Variants in DNAAF9 observed in about 807,000 individuals in gnomAD.
DNAAF9 encodes shulin.
DNAAF9 carries 90 observed loss-of-function variants against 167.0 expected under a neutral mutation model. That is an observed-to-expected ratio of 0.54 (90% CI 0.45 to 0.64). The LOEUF (loss-of-function observed/expected upper bound fraction) is 0.64, where lower values mean the gene tolerates loss of function less well. DNAAF9 is among the 30% of genes least tolerant of loss of function. DNAAF9 has a pLI of 0.00. For missense variants in DNAAF9, 1,315 were observed against 1,442.2 expected, an observed-to-expected ratio of 0.91 and a Z score of 1.43; for synonymous variants, 491 against 508.8, an observed-to-expected ratio of 0.96 and a Z score of 0.47.
chr20:3,336,566 T>A (rs577184580), intron 10 of DNAAF9, among the ~76,000 whole-genome samples: 1 of 152,288 alleles, frequency 6.6e-6, no homozygotes, highest in African/African-American at 2.4e-5. Context: ...TATTTATTTT[T>A]GAGATGGAGT....
chr20:3,322,820 C>T, intron 14 of DNAAF9, 124 bp from the exon 15 acceptor site: 2 of 771,592 alleles, frequency 2.6e-6, no homozygotes, highest in Non-Finnish European at 4.7e-6. Flanking sequence ...TTGCTTTACA[C>T]AGATTTACCC....
In DNAAF9 at chr20:3,249,389, T is replaced by C. The variant is rs756237348; in HGVS notation, c.*3183A>G. 3.3e-5 allele frequency: 5 copies of C among 152,238 alleles called. No homozygotes were observed. Among genetic ancestry groups the C allele is most frequent in the Non-Finnish European group, 5.9e-5 (4 of 68,048 alleles). The allele number at this position is 152,238 out of a possible 1,614,324, so 9.4% of individuals were successfully genotyped here. On this transcript the variant is annotated 3_prime_UTR_variant, in exon 37 of 37. Transcript: ENST00000252032. ...ACATACACAACTGCAGGTAAAAACA[T>C]GTAAAATAATATAAAAATAAATTGA... is the stretch of plus-strand genomic sequence containing the variant.
intron 29 of DNAAF9, 40 bp downstream of exon 29, chr20:3,278,872 T>A (rs1397670816): frequency 1.4e-6 from 2 of 1,415,048 alleles, no homozygotes. Context: ...TCTACTGAAC[T>A]TGCAAGGCAT....
chr20:3,344,341 T>TAGGG (rs2070148816), intron 8 of DNAAF9, among the ~76,000 whole-genome samples: 2 of 152,172 alleles, frequency 1.3e-5, no homozygotes, highest in Non-Finnish European at 2.9e-5. Flanking sequence ...ATTCAAATGG[T>TAGGG]AATTTTAATC....
At chr20:3,351,673 G>C (rs2070327671) in intron 7 of DNAAF9, among the ~76,000 whole-genome samples, 1 of 152,086 alleles carries the variant, frequency 6.6e-6, no homozygotes, top group African/African-American at 2.4e-5. Context: ...ACATTTGGAT[G>C]ATAAAATTGC....
intron 6 of DNAAF9, among the ~76,000 whole-genome samples, chr20:3,363,764 C>A (rs1436720514): frequency 6.6e-6 from 1 of 152,026 alleles, no homozygotes; most frequent in Non-Finnish European, 1.5e-5. Flanking sequence ...ACTTTGGATT[C>A]TTTATTTTCT....
intron 29 of DNAAF9, among the ~76,000 whole-genome samples, chr20:3,272,832 T>C (rs1486330132): frequency 6.6e-6 from 1 of 152,160 alleles, no homozygotes; most frequent in Non-Finnish European, 1.5e-5. Context: ...TTATTATTAT[T>C]ATTTCTTGAG....
At chr20:3,288,524 G>C (rs1274136772) in intron 26 of DNAAF9, among the ~76,000 whole-genome samples, 1 of 152,148 alleles carries the variant, frequency 6.6e-6, no homozygotes, top group East Asian at 1.9e-4. Context: ...ACGAGGAACT[G>C]GTTAGACATT....
intron 7 of DNAAF9, among the ~76,000 whole-genome samples, chr20:3,359,248 G>C (rs1191128044): frequency 1.3e-5 from 2 of 152,170 alleles, no homozygotes; most frequent in Non-Finnish European, 2.9e-5. Context: ...AATGCCTTTA[G>C]ATAAAAACCT....
intron 6 of DNAAF9, among the ~76,000 whole-genome samples, chr20:3,373,342 CAGGTCATTTCAGTGGGGATCCCATGG>C (rs1217742199): frequency 5.3e-5 from 8 of 152,142 alleles, no homozygotes; most frequent in Non-Finnish European, 1.2e-4. Flanking sequence ...CTGTACTGGG[CAGGTCATTTCAGTGGGGATCCCATGG>C]AGGCACATGG....
chr20:3,315,624 T>G lies in DNAAF9; in HGVS notation c.1590+111A>C. ...ATGCAAATAGGAAGTGAAGACAACA[T>G]AGTGCAAGTCTTTTAGATTAGTAGT... On this transcript the variant is annotated intron_variant, in intron 19 of 36. Transcript: ENST00000252032. This position sits in a 1 kb window ranked among gnomAD's most constrained non-coding sequence, Gnocchi z 4.1. 1 of 850,620 alleles carries G rather than the reference T, an allele frequency of 1.2e-6. No homozygotes were observed. Among genetic ancestry groups the G allele is most frequent in the Non-Finnish European group, 2.0e-6 (1 of 496,484 alleles). The allele number at this position is 850,620 out of a possible 1,614,324, so 52.7% of individuals were successfully genotyped here. A position where few individuals can be genotyped will look rare whatever the true frequency, so the allele number is the denominator to read the frequency against.
At chr20:3,269,678 G>A (rs990988221) in intron 30 of DNAAF9, among the ~76,000 whole-genome samples, 2 of 152,170 alleles carry the variant, frequency 1.3e-5, no homozygotes, top group African/African-American at 4.8e-5. Flanking sequence ...ACTTCGGCCA[G>A]GCGTGGTGCC....
intron 6 of DNAAF9, among the ~76,000 whole-genome samples, chr20:3,366,420 TA>T (rs1447409830): frequency 6.6e-6 from 1 of 152,202 alleles, no homozygotes; most frequent in Non-Finnish European, 1.5e-5. Flanking sequence ...AAATATTCAG[TA>T]AGCCATGCTG....
chr20:3,252,769 G>C (rs1027382798), intron 36 of DNAAF9, 85 bp from the exon 37 acceptor site: 2 of 808,514 alleles, frequency 2.5e-6, no homozygotes, highest in South Asian at 1.4e-5. Flanking sequence ...GGCAGGTGAG[G>C]GGGGTTTGCT....
rs1248580918 is a variant in DNAAF9, at chr20:3,326,121, AAAG to A, written c.1188+73_1188+75del. On this transcript the variant is annotated intron_variant, in intron 13 of 36. Coordinates refer to ENST00000252032, the MANE Select transcript of DNAAF9 (RefSeq NM_001009984.3). ...CAAAAGTGAGTACTACAAGATGTCC[AAAG>A]AAGAAACACATGGATAGAATGTTTT... 4.4e-6 allele frequency: 5 copies of A among 1,141,200 alleles called. No individual in the cohort carries two copies. The African/African-American group carries it at 6.2e-5, about 14-fold the overall frequency. The allele number at this position is 1,141,200 out of a possible 1,614,324, so 70.7% of individuals were successfully genotyped here.
chr20:3,321,614 G>C (rs2069617228), intron 16 of DNAAF9, among the ~76,000 whole-genome samples: 1 of 152,180 alleles, frequency 6.6e-6, no homozygotes, highest in South Asian at 2.1e-4. Flanking sequence ...TGTCATCCAG[G>C]CTGGAGTGCA....
Position 3,407,578 on chromosome 20 carries a change from G to T in DNAAF9, c.-21C>A. 8.1e-7 allele frequency: 1 copy of T among 1,231,066 alleles called. No homozygotes were observed. Among genetic ancestry groups the T allele is most frequent in the Non-Finnish European group, 1.0e-6 (1 of 987,288 alleles). The allele number at this position is 1,231,066 out of a possible 1,614,324, so 76.3% of individuals were successfully genotyped here. On this transcript the variant is annotated 5_prime_UTR_variant, in exon 1 of 37. Transcript: ENST00000252032. The stretch of plus-strand genomic sequence containing the variant: ...TCCATGGCGGCGGACGACTGGCGGC[G>T]GAGGAGGACGGTGCAGCTGCGAGGG...
intron 21 of DNAAF9, among the ~76,000 whole-genome samples, chr20:3,300,443 T>G (rs1362639493): frequency 6.6e-6 from 1 of 151,988 alleles, no homozygotes; most frequent in Non-Finnish European, 1.5e-5. Context: ...GATGCTAATG[T>G]AAATTGAATT....
chr20:3,339,335 A>G (rs1200031559), intron 10 of DNAAF9, among the ~76,000 whole-genome samples: 1 of 152,168 alleles, frequency 6.6e-6, no homozygotes, highest in Admixed American at 6.5e-5. Flanking sequence ...CTTGCCTTTT[A>G]GCATGCTTTG....
Sources: gnomAD v4.1 joint callset for allele counts (sites outside exome capture counted in the v4.1 genomes callset) on GRCh38, gnomAD v4.1.1 for gene constraint, Gnocchi (gnomAD v3.1) non-coding constraint, MANE v1.5 for transcripts, NCBI Gene and HGNC (gene_info 2026-07-23, HGNC 2026-07-21) for gene names.